MRPL1: variants seen among roughly 807,000 people sequenced by gnomAD.
The protein encoded by MRPL1 is mitochondrial ribosomal protein L1.
MRPL1 carries 28 observed loss-of-function variants against 38.0 expected under a neutral mutation model. The ratio of observed to expected loss-of-function variants is 0.74; its 90% CI spans 0.55 to 1.01. The LOEUF (loss-of-function observed/expected upper bound fraction) is 1.01. Ranked by LOEUF, MRPL1 falls within the 50% of genes least tolerant of loss-of-function variation. The pLI, the probability that MRPL1 is intolerant of heterozygous loss-of-function variation, is 0.00. For synonymous variants in MRPL1, 123 were observed against 126.7 expected (o/e 0.97, Z 0.20); for missense variants, 358 against 389.8 (o/e 0.92, Z 0.69).
intron 7 of MRPL1, among the ~76,000 whole-genome samples, chr4:77,924,446 A>G (rs1736662544): frequency 1.3e-5 from 2 of 152,140 alleles, no homozygotes; most frequent in South Asian, 4.1e-4. Flanking sequence ...GACTGGACCC[A>G]TCTTTCACTA....
chr4:77,874,106 C>T (rs1293784411), intron 2 of MRPL1, among the ~76,000 whole-genome samples: 1 of 150,916 alleles, frequency 6.6e-6, no homozygotes, highest in Non-Finnish European at 1.5e-5. Flanking sequence ...TCAAATGATT[C>T]TCCTGCCTCA....
intron 7 of MRPL1, among the ~76,000 whole-genome samples, chr4:77,911,014 G>C (rs1736274735): frequency 6.6e-6 from 1 of 152,200 alleles, no homozygotes; most frequent in African/African-American, 2.4e-5. Context: ...AAGTTGTAGA[G>C]ACTTGAGTTT....
chr4:77,932,935 TTTTAAA>T (rs1349671914), intron 7 of MRPL1, among the ~76,000 whole-genome samples: 6 of 151,652 alleles, frequency 4.0e-5, no homozygotes, highest in African/African-American at 1.5e-4. Context: ...AACTTTCCTT[TTTTAAA>T]AAAAAAGAAA....
At chr4:77,888,492 G>C (rs1735733317) in intron 5 of MRPL1, among the ~76,000 whole-genome samples, 1 of 152,064 alleles carries the variant, frequency 6.6e-6, no homozygotes, top group Non-Finnish European at 1.5e-5. Flanking sequence ...AACAGAGCGA[G>C]ACTCTGTCTC....
chr4:77,895,546 T>A (rs1342602397), intron 6 of MRPL1, among the ~76,000 whole-genome samples: 1 of 152,102 alleles, frequency 6.6e-6, no homozygotes, highest in East Asian at 1.9e-4. Flanking sequence ...AAATAAAATT[T>A]TGTAGTGTAA....
intron 2 of MRPL1, among the ~76,000 whole-genome samples, chr4:77,877,161 A>ATG (rs1735414964): frequency 6.6e-6 from 1 of 152,160 alleles, no homozygotes; most frequent in African/African-American, 2.4e-5. Context: ...TGGCCTCCCA[A>ATG]AGTGCTGGGA....
Position 77,885,319 on chromosome 4 carries a change from A to G in MRPL1, c.466A>G (p.Lys156Glu). ...LPYPFASEIN[K>E]VAVFTENASE... ...ATACCCATTTGCTTCCGAAATCAAT[A>G]AAGTTGCTGTATTTACAGAGGTGAG... Residue 156 changes from lysine (K) to glutamate (E), a missense_variant, in exon 4 of 9, where the codon AAA (lysine) becomes GAA (glutamate). Physicochemically the swap from Lys to Glu is moderately conservative, Grantham distance 56. Coordinates refer to ENST00000315567, the MANE Select transcript of MRPL1 (RefSeq NM_020236.4). 6.2e-7 allele frequency: 1 copy of G among 1,613,604 alleles called. No individual in the cohort carries two copies. Among genetic ancestry groups the G allele is most frequent in the Non-Finnish European group, 8.5e-7 (1 of 1,179,458 alleles).
intron 7 of MRPL1, among the ~76,000 whole-genome samples, chr4:77,928,026 T>C (rs1319706698): frequency 6.6e-6 from 1 of 152,224 alleles, no homozygotes; most frequent in East Asian, 1.9e-4. Flanking sequence ...ATATGTTCTT[T>C]GTTTTTCTTC....
chr4:77,897,535 T>C (rs1185774636), intron 6 of MRPL1, among the ~76,000 whole-genome samples: 1 of 152,238 alleles, frequency 6.6e-6, no homozygotes, highest in African/African-American at 2.4e-5. Context: ...CTAATGTGTA[T>C]TCCTCTTAAC....
At position 77,931,902 on chromosome 4, in the gene MRPL1, C is replaced by G. The variant is rs543434012; in HGVS notation, c.778-17895C>G. 5.9e-5 allele frequency among the ~76,000 whole-genome samples: 9 copies of G among 152,044 alleles called. No individual in the cohort carries two copies. The East Asian group carries it at 1.3e-3, about 23-fold the overall frequency. ...TATGTTAAAGTACATGCCCTTAACT[C>G]TCATCTGTTCACGCAGCGCTGTGAG... On this transcript the variant is annotated intron_variant, in intron 7 of 8. Coordinates refer to ENST00000315567, the MANE Select transcript of MRPL1 (RefSeq NM_020236.4).
intron 7 of MRPL1, among the ~76,000 whole-genome samples, chr4:77,919,754 A>G (rs1312951188): frequency 1.3e-5 from 2 of 152,082 alleles, no homozygotes; most frequent in Non-Finnish European, 2.9e-5. Flanking sequence ...ATAATAAATT[A>G]CATAACTCTC....
chr4:77,901,654 T>C (rs932233949), intron 6 of MRPL1, among the ~76,000 whole-genome samples: 1 of 152,146 alleles, frequency 6.6e-6, no homozygotes, highest in Non-Finnish European at 1.5e-5. Flanking sequence ...GAGAAAAAGA[T>C]GGATATTCTA....
chr4:77,946,024 C>T (rs1737255807), intron 7 of MRPL1, among the ~76,000 whole-genome samples: 1 of 152,040 alleles, frequency 6.6e-6, no homozygotes, highest in African/African-American at 2.4e-5. Flanking sequence ...TCAAATTCAC[C>T]AGGGTGGGGT....
chr4:77,863,116 C>G, intron 1 of MRPL1: 1 of 561,206 alleles, frequency 1.8e-6, no homozygotes, highest in African/African-American at 1.9e-5. Context: ...CATCGAGCGC[C>G]CTCCAGCCAC....
chr4:77,877,054 C>A (rs933004355), intron 2 of MRPL1, among the ~76,000 whole-genome samples: 1 of 152,166 alleles, frequency 6.6e-6, no homozygotes, highest in Non-Finnish European at 1.5e-5. Flanking sequence ...GCGCGCACCA[C>A]CACGCCCAGC....
chr4:77,877,028 G>A (rs1270309629), intron 2 of MRPL1, among the ~76,000 whole-genome samples: 1 of 152,194 alleles, frequency 6.6e-6, no homozygotes, highest in East Asian at 1.9e-4. Context: ...AGCCTCCTGA[G>A]TAACAGGGAT....
intron 1 of MRPL1, among the ~76,000 whole-genome samples, chr4:77,865,664 G>A (rs559803869): frequency 2.6e-4 from 39 of 152,244 alleles, no homozygotes; most frequent in African/African-American, 8.7e-4. Flanking sequence ...ACTGCACCTG[G>A]CTGACTCCTC....
intron 7 of MRPL1, among the ~76,000 whole-genome samples, chr4:77,946,735 T>C (rs949008830): frequency 1.3e-5 from 2 of 152,160 alleles, no homozygotes; most frequent in African/African-American, 4.8e-5. Context: ...CTCCAAAATA[T>C]TTGGACAGAC....
chr4:77,875,030 C>G (rs1431348864), intron 2 of MRPL1, among the ~76,000 whole-genome samples: 1 of 151,820 alleles, frequency 6.6e-6, no homozygotes, highest in African/African-American at 2.4e-5. Context: ...TCAGGTGATC[C>G]ACCTGCCTTG....
Sources: allele counts gnomAD v4.1 joint callset (sites outside exome capture counted in the v4.1 genomes callset), GRCh38; gene constraint gnomAD v4.1.1; transcripts MANE v1.5; gene names NCBI Gene and HGNC (gene_info 2026-07-23, HGNC 2026-07-21).